The following OIT3 variants were observed in gnomAD, a reference collection of about 807,000 sequenced individuals.
OIT3 encodes the protein oncoprotein induced transcript 3.
A neutral mutation model predicts 52.2 loss-of-function variants in OIT3; 41 were observed. The ratio of observed to expected loss-of-function variants is 0.79; its 90% CI spans 0.61 to 1.02. The LOEUF is 1.02. Ranked by LOEUF, OIT3 falls within the 50% of genes least tolerant of loss-of-function variation. The probability of loss-of-function intolerance (pLI) is 0.00; values close to 1 mark genes in which losing one functional copy is unlikely to be tolerated. For synonymous variants in OIT3, 244 were observed against 276.9 expected, an observed-to-expected ratio of 0.88 and a Z score of 1.18; for missense variants, 634 against 715.5, an observed-to-expected ratio of 0.89 and a Z score of 1.30.
At position 72,911,821 on chromosome 10, in the gene OIT3, G is replaced by A. The variant is rs774146232; in HGVS notation, c.772G>A (p.Asp258Asn). ...TCCCCGGGGCCTGGTGCTGTCTGAG[G>A]ATAACCACACTTGCCAAGGTAGTAC... is the stretch of plus-strand genomic sequence containing the variant. ...ECPRGLVLSE[D>N]NHTCQVPVLC... is the part of the protein sequence containing the mutation. The change falls in exon 5 of 9, where the codon GAT becomes AAT. Residue 258 changes from aspartate (D) to asparagine (N), a missense_variant. Coordinates refer to ENST00000334011, the MANE Select transcript of OIT3 (RefSeq NM_152635.3). The A allele has an allele frequency of 1.2e-6, 2 of 1,613,492 alleles. No individual in the cohort carries two copies. The highest frequency in any genetic ancestry group is 1.7e-6 in the Non-Finnish European group (2 of 1,179,680).
At chr10:72,900,653 A>G (rs1339241790) in intron 3 of OIT3, among the ~76,000 whole-genome samples, 169 bp downstream of exon 3, 1 of 152,198 alleles carries the variant, frequency 6.6e-6, no homozygotes, top group African/African-American at 2.4e-5. Flanking sequence ...CCAAATTTGT[A>G]TCATGATTAG....
At chr10:72,906,926 G>A (rs1845985932) in intron 4 of OIT3, among the ~76,000 whole-genome samples, 1 of 152,138 alleles carries the variant, frequency 6.6e-6, no homozygotes, top group Admixed American at 6.5e-5. Flanking sequence ...TAACAGGAGG[G>A]AATTTTGCAA....
intron 5 of OIT3, 47 bp from the exon 6 acceptor site, chr10:72,913,261 C>G: frequency 6.8e-7 from 1 of 1,478,640 alleles, no homozygotes; most frequent in East Asian, 2.3e-5. Context: ...AAGCCTTCCT[C>G]CCGATTCAGG....
chr10:72,897,484 G>A (rs900374313), intron 1 of OIT3, among the ~76,000 whole-genome samples: 4 of 152,070 alleles, frequency 2.6e-5, no homozygotes, highest in African/African-American at 9.7e-5. Flanking sequence ...CAAAGTTCTT[G>A]GTATTTTCAA....
At position 72,924,488 on chromosome 10, in the gene OIT3, G is replaced by A. The variant is rs371807811; in HGVS notation, c.1211G>A (p.Arg404Gln). The A allele has an allele frequency of 4.0e-5, 65 of 1,614,020 alleles. No individual in the cohort carries two copies. The highest frequency in any genetic ancestry group is 5.0e-5 in the Admixed American group (3 of 59,992). The stretch of plus-strand genomic sequence containing the variant: ...GACAATGAGTTTGAAGAGCCTTACC[G>A]GGAAGCTCTGCCCACCCTCAAGCTT... ...FKDNEFEEPY[R>Q]EALPTLKLRD... Residue 404 changes from arginine to glutamine, a missense_variant, in exon 7 of 9, where the codon CGG becomes CAG. Physicochemically the swap from Arg to Gln is conservative, Grantham distance 43. Transcript: ENST00000334011.
At chr10:72,902,940 A>G (rs1436994405) in intron 3 of OIT3, among the ~76,000 whole-genome samples, 1 of 152,192 alleles carries the variant, frequency 6.6e-6, no homozygotes, top group Non-Finnish European at 1.5e-5. Flanking sequence ...GTAGCATATC[A>G]TTCACATCTC....
chr10:72,913,861 T>G (rs1230012602), intron 6 of OIT3, among the ~76,000 whole-genome samples: 1 of 152,210 alleles, frequency 6.6e-6, no homozygotes, highest in Non-Finnish European at 1.5e-5. Context: ...CCAGGTTGAG[T>G]GAAAAGGTTT....
Position 72,911,746 on chromosome 10 carries a change from G to C in OIT3, c.697G>C (p.Gly233Arg), listed in dbSNP as rs1343537081. 25 of 1,613,542 alleles carry C rather than the reference G, an allele frequency of 1.5e-5. No homozygotes were observed. The highest frequency in any genetic ancestry group is 1.9e-5 in the Non-Finnish European group (23 of 1,179,784). Residue 233 changes from glycine to arginine, a missense_variant, in exon 5 of 9, where the codon GGC becomes CGC. Physicochemically the swap from Gly to Arg is moderately radical, Grantham distance 125. Transcript: ENST00000334011. ...DVEGCHNNNG[G>R]CSHSCLGSEK... ...TGAAGGATGCCACAATAACAATGGT[G>C]GCTGCAGCCACTCTTGCCTTGGATC...
intron 6 of OIT3, among the ~76,000 whole-genome samples, chr10:72,923,222 G>A (rs762252113): frequency 6.6e-6 from 1 of 152,188 alleles, no homozygotes; most frequent in Non-Finnish European, 1.5e-5. Flanking sequence ...CTGTAGGGCT[G>A]CTGTGGTTTG....
At chr10:72,894,397 C>A (rs1344757876) in intron 1 of OIT3, among the ~76,000 whole-genome samples, 1 of 152,146 alleles carries the variant, frequency 6.6e-6, no homozygotes, top group African/African-American at 2.4e-5. Context: ...AGAAAAGTTT[C>A]AATTCCAGTT....
intron 6 of OIT3, chr10:72,918,101 A>AG: frequency 1.5e-6 from 2 of 1,345,680 alleles, no homozygotes; most frequent in Non-Finnish European, 2.1e-6. Flanking sequence ...TACCACCTCC[A>AG]GGGGCAGACT....
Position 72,917,691 on chromosome 10 carries a change from C to T in OIT3, c.951+4223C>T, listed in dbSNP as rs763795941. ...TTGAATAGCCTCTTGGTCAGTCATC[C>T]GGAAGCAATTCTTCACATAACTGAT... On this transcript the variant is annotated intron_variant, in intron 6 of 8. Transcript: ENST00000334011. The T allele has an allele frequency of 6.4e-4, 595 of 929,778 alleles. 1 individual carries two copies. The highest frequency in any genetic ancestry group is 9.3e-4 in the Non-Finnish European group (527 of 568,520). The allele number at this position is 929,778 out of a possible 1,614,324, so 57.6% of individuals were successfully genotyped here. A position where few individuals can be genotyped will look rare whatever the true frequency, so the allele number is the denominator to read the frequency against.
intron 7 of OIT3, among the ~76,000 whole-genome samples, chr10:72,925,757 G>A (rs1017694005): frequency 6.6e-6 from 1 of 152,060 alleles, no homozygotes; most frequent in Non-Finnish European, 1.5e-5. Context: ...GACCATATGC[G>A]CACGACCATG....
intron 6 of OIT3, among the ~76,000 whole-genome samples, chr10:72,922,028 T>C (rs972382998): frequency 3.3e-5 from 5 of 152,168 alleles, no homozygotes; most frequent in African/African-American, 1.2e-4. Context: ...TCTCCTGGCC[T>C]GTAGGGTTTC....
In OIT3 at chr10:72,898,985, A is replaced by G. The variant is rs138327409; in HGVS notation, c.383A>G (p.Tyr128Cys). 3.7e-6 allele frequency: 6 copies of G among 1,613,982 alleles called. No individual in the cohort carries two copies. The highest frequency in any genetic ancestry group is 4.2e-6 in the Non-Finnish European group (5 of 1,180,006). ...TVEVKACPGG[Y>C]YVYRLTKPSV... is the part of the protein sequence containing the mutation. The stretch of plus-strand genomic sequence containing the variant: ...GAAGTCAAGGCTTGCCCTGGAGGCT[A>G]CTATGTGTATCGTCTGACCAAGCCC... The change falls in exon 2 of 9, where the codon TAC (tyrosine) becomes TGC (cysteine). Residue 128 changes from tyrosine to cysteine, a missense_variant. Physicochemically the swap from Tyr to Cys is radical, Grantham distance 194. Transcript: ENST00000334011.
At chr10:72,897,171 G>A (rs918906674) in intron 1 of OIT3, among the ~76,000 whole-genome samples, 2 of 152,024 alleles carry the variant, frequency 1.3e-5, no homozygotes, top group East Asian at 1.9e-4. Context: ...TTACAGGCAC[G>A]TGCCACCACG....
At chr10:72,894,492 C>T (rs1010035706) in intron 1 of OIT3, among the ~76,000 whole-genome samples, 4 of 152,120 alleles carry the variant, frequency 2.6e-5, no homozygotes, top group African/African-American at 9.7e-5. Flanking sequence ...TGGAGAGAAC[C>T]ATCCTTCTTG....
At chr10:72,906,167 T>C (rs1024903890) in intron 3 of OIT3, among the ~76,000 whole-genome samples, 3 of 152,208 alleles carry the variant, frequency 2.0e-5, no homozygotes, top group African/African-American at 7.2e-5. Flanking sequence ...GAAAATTGCC[T>C]TACAAAATAT....
intron 1 of OIT3, among the ~76,000 whole-genome samples, chr10:72,895,128 G>A (rs1845862846): frequency 1.3e-5 from 2 of 152,210 alleles, no homozygotes; most frequent in Admixed American, 1.3e-4. Context: ...GAAACTGGGT[G>A]TGGGGTATGT....
Sources: allele counts gnomAD v4.1 joint callset (sites outside exome capture counted in the v4.1 genomes callset), GRCh38; gene constraint gnomAD v4.1.1; transcripts MANE v1.5; gene names NCBI Gene and HGNC (gene_info 2026-07-23, HGNC 2026-07-21).